CCDC126: variants seen among roughly 807,000 people sequenced by gnomAD.
CCDC126 encodes coiled-coil domain-containing protein 126.
CCDC126 carries 5 observed loss-of-function variants against 11.7 expected under a neutral mutation model. The ratio of observed to expected loss-of-function variants is 0.43; its 90% CI spans 0.22 to 0.90. The LOEUF is 0.90. CCDC126 is among the 40% of genes least tolerant of loss of function. The pLI is 0.27. For missense variants in CCDC126, 150 were observed against 163.1 expected (o/e 0.92, Z 0.44); for synonymous variants, 60 against 61.9 (o/e 0.97, Z 0.14).
intron 2 of CCDC126, among the ~76,000 whole-genome samples, chr7:23,600,383 C>G (rs970232957): frequency 1.0e-4 from 15 of 144,646 alleles, no homozygotes; most frequent in East Asian, 2.1e-4. Flanking sequence ...AACCCCCCCC[C>G]CCCCACCACC....
At chr7:23,616,973 C>T (rs1782804183) in intron 3 of CCDC126, among the ~76,000 whole-genome samples, 1 of 152,126 alleles carries the variant, frequency 6.6e-6, no homozygotes, top group African/African-American at 2.4e-5. Context: ...CTTTTTACTT[C>T]ATTTTTTGAG....
chr7:23,618,560 TTTAAA>T (rs1782833792), intron 3 of CCDC126, among the ~76,000 whole-genome samples: 1 of 143,432 alleles, frequency 7.0e-6, no homozygotes, highest in Non-Finnish European at 1.6e-5. Flanking sequence ...TTTTTTTTTT[TTTAAA>T]TTTGAGACAG....
At chr7:23,618,462 T>C (rs1475357430) in intron 3 of CCDC126, among the ~76,000 whole-genome samples, 1 of 151,296 alleles carries the variant, frequency 6.6e-6, no homozygotes, top group Non-Finnish European at 1.5e-5. Context: ...CCATGACTAA[T>C]AAAGACATTC....
chr7:23,613,535 C>G (rs1782749464), intron 3 of CCDC126, among the ~76,000 whole-genome samples: 1 of 152,106 alleles, frequency 6.6e-6, no homozygotes, highest in African/African-American at 2.4e-5. Flanking sequence ...TAGGTGTTAT[C>G]TGTTAACTTC....
At chr7:23,637,300 A>G (rs1584218618) in intron 3 of CCDC126, among the ~76,000 whole-genome samples, 1 of 9,618 alleles carries the variant, frequency 1.0e-4, no homozygotes, top group Non-Finnish European at 1.9e-4. Flanking sequence ...TCCGGGAGGG[A>G]GGTGGGGGGA....
At chr7:23,600,380 C>CCA (rs1554359066) in intron 2 of CCDC126, among the ~76,000 whole-genome samples, 1 of 136,030 alleles carries the variant, frequency 7.4e-6, no homozygotes, top group Non-Finnish European at 1.6e-5. Context: ...GTTAACCCCC[C>CCA]CCCCCCCACC....
intron 2 of CCDC126, among the ~76,000 whole-genome samples, chr7:23,610,354 G>A (rs1336224015): frequency 6.6e-6 from 1 of 152,148 alleles, no homozygotes; most frequent in South Asian, 2.1e-4. Flanking sequence ...TGGGACTACA[G>A]GCGCATGCCA....
At chr7:23,628,324 C>T (rs1016496350) in intron 3 of CCDC126, among the ~76,000 whole-genome samples, 1 of 152,130 alleles carries the variant, frequency 6.6e-6, no homozygotes, top group African/African-American at 2.4e-5. Flanking sequence ...TGGTATGTTC[C>T]CTGTGTGTAT....
intron 3 of CCDC126, among the ~76,000 whole-genome samples, chr7:23,637,992 CCGCCCT>C (rs1783270354): frequency 7.9e-6 from 1 of 125,986 alleles, no homozygotes; most frequent in African/African-American, 2.8e-5. Context: ...GCCCGGCCAG[CCGCCCT>C]ATCCAGGAGG....
chr7:23,624,610 C>A (rs1234809759), intron 3 of CCDC126, among the ~76,000 whole-genome samples: 3 of 152,114 alleles, frequency 2.0e-5, no homozygotes, highest in Non-Finnish European at 4.4e-5. Flanking sequence ...AATGAGCATG[C>A]CTATTTCCTA....
chr7:23,600,384 C>G (rs548188754), intron 2 of CCDC126, among the ~76,000 whole-genome samples: 14 of 145,586 alleles, frequency 9.6e-5, no homozygotes, highest in South Asian at 2.4e-4. Flanking sequence ...ACCCCCCCCC[C>G]CCCACCACCA....
At chr7:23,625,372 G>T (rs1782995293) in intron 3 of CCDC126, among the ~76,000 whole-genome samples, 1 of 152,162 alleles carries the variant, frequency 6.6e-6, no homozygotes, top group South Asian at 2.1e-4. Flanking sequence ...ACATTTGTCA[G>T]ATTGCCCTCC....
intron 3 of CCDC126, among the ~76,000 whole-genome samples, chr7:23,621,157 A>C (rs1234449180): frequency 1.3e-5 from 2 of 152,308 alleles, no homozygotes. Context: ...TCAATCTATA[A>C]ATTACCTTGG....
intron 3 of CCDC126, among the ~76,000 whole-genome samples, chr7:23,621,725 A>G (rs1428452664): frequency 6.6e-5 from 10 of 152,182 alleles, no homozygotes; most frequent in African/African-American, 2.2e-4. Context: ...TTTGTCATAA[A>G]TAGCTCTCAT....
intron 3 of CCDC126, among the ~76,000 whole-genome samples, chr7:23,638,565 G>A (rs1177097219): frequency 4.0e-5 from 5 of 124,924 alleles, no homozygotes; most frequent in African/African-American, 1.3e-4. Context: ...AGTACCCAGG[G>A]ACACAAACAC....
chr7:23,605,322 G>A (rs1399907373), intron 2 of CCDC126, among the ~76,000 whole-genome samples: 2 of 151,934 alleles, frequency 1.3e-5, no homozygotes, highest in Non-Finnish European at 2.9e-5. Flanking sequence ...GTAAAGGTTG[G>A]TACTGAGTTT....
At chr7:23,629,075 A>G (rs1724663000) in intron 3 of CCDC126, among the ~76,000 whole-genome samples, 1 of 152,236 alleles carries the variant, frequency 6.6e-6, no homozygotes, top group Non-Finnish European at 1.5e-5. Flanking sequence ...CAAATTTCAA[A>G]CACAAATCAC....
In CCDC126 at chr7:23,610,164, G is replaced by A. The variant is rs529508686; in HGVS notation, c.-145-1007G>A. Among the ~76,000 whole-genome samples, 3 of 152,018 alleles carry A rather than the reference G, an allele frequency of 2.0e-5. No individual in the cohort carries two copies. The South Asian group carries it at 6.2e-4, about 32-fold the overall frequency. On this transcript the variant is annotated intron_variant, in intron 2 of 3. Transcript: ENST00000307471. ...TGCATACCTTTCTCATTTAAAATTT[G>A]GAATTGTAAATTTGGAAATATAGAA... is the stretch of plus-strand genomic sequence containing the variant.
At chr7:23,639,491 C>T (rs940300994) in intron 3 of CCDC126, among the ~76,000 whole-genome samples, 3 of 152,198 alleles carry the variant, frequency 2.0e-5, no homozygotes, top group African/African-American at 7.2e-5. Flanking sequence ...AGGCGTGAGC[C>T]ATCGCACCCA....
Sources: gnomAD v4.1 joint callset for allele counts (sites outside exome capture counted in the v4.1 genomes callset) on GRCh38, gnomAD v4.1.1 for gene constraint, MANE v1.5 for transcripts, NCBI Gene and HGNC (gene_info 2026-07-23, HGNC 2026-07-21) for gene names.